The following CAMK4 variants were observed in gnomAD, a reference collection of about 807,000 sequenced individuals.
CAMK4 encodes calcium/calmodulin-dependent protein kinase type IV.
In CAMK4, 22 loss-of-function variants were observed where a neutral mutation model predicts 44.9. The ratio of observed to expected loss-of-function variants is 0.49; its 90% CI spans 0.35 to 0.70. The LOEUF (loss-of-function observed/expected upper bound fraction) is 0.70, where lower values mean the gene tolerates loss of function less well. Ranked by LOEUF, CAMK4 falls within the 30% of genes least tolerant of loss-of-function variation. CAMK4 has a pLI of 0.01. For synonymous variants in CAMK4, 218 were observed against 215.4 expected (o/e 1.01, Z -0.11); for missense variants, 498 against 586.8 (o/e 0.85, Z 1.56).
intron 1 of CAMK4, among the ~76,000 whole-genome samples, chr5:111,287,604 A>T (rs1484466256): frequency 6.6e-6 from 1 of 152,174 alleles, no homozygotes; most frequent in Admixed American, 6.6e-5. Flanking sequence ...AAAATGTCAA[A>T]ATGTTTTTGC....
intron 3 of CAMK4, among the ~76,000 whole-genome samples, chr5:111,375,739 G>A (rs552771045): frequency 9.2e-5 from 14 of 152,238 alleles, no homozygotes; most frequent in South Asian, 2.1e-4. Context: ...TCAGCTCGCC[G>A]GTGCTGCTGT....
rs1313432456 is a variant in CAMK4 at position 111,491,080 on chromosome 5, T to A, written c.*6614T>A. 6.6e-6 allele frequency: 1 copy of A among 152,216 alleles called. No individual in the cohort carries two copies. Among genetic ancestry groups the A allele is most frequent in the East Asian group, 1.9e-4 (1 of 5,204 alleles). The allele number at this position is 152,216 out of a possible 1,614,324, so 9.4% of individuals were successfully genotyped here. A position where few individuals can be genotyped will look rare whatever the true frequency, so the allele number is the denominator to read the frequency against. On this transcript the variant is annotated 3_prime_UTR_variant, in exon 11 of 11. Coordinates refer to ENST00000282356, the MANE Select transcript of CAMK4 (RefSeq NM_001744.6). ...ATCTCTCGTCTTTGAGATACACACA[T>A]TAAAACTTATGTGCATATTTTTTTA...
At chr5:111,309,707 G>A (rs1350295316) in intron 1 of CAMK4, among the ~76,000 whole-genome samples, 1 of 152,068 alleles carries the variant, frequency 6.6e-6, no homozygotes, top group Admixed American at 6.6e-5. Flanking sequence ...GTCCCTCCAT[G>A]ACCACCCTTT....
At chr5:111,273,407 A>G (rs928138932) in intron 1 of CAMK4, among the ~76,000 whole-genome samples, 3 of 151,780 alleles carry the variant, frequency 2.0e-5, no homozygotes, top group Non-Finnish European at 4.4e-5. Flanking sequence ...GCAGATTGTA[A>G]GATTCCAAAG....
intron 1 of CAMK4, among the ~76,000 whole-genome samples, chr5:111,276,487 G>A (rs1309356042): frequency 6.6e-6 from 1 of 152,164 alleles, no homozygotes; most frequent in Non-Finnish European, 1.5e-5. Flanking sequence ...AGCTACTGGG[G>A]AGGCTGAGTC....
In CAMK4 at chr5:111,329,538, A is replaced by G. The variant is rs1749063822; in HGVS notation, c.162-14486A>G. ...AATATTTAAGAGAAAATAATATTAT[A>G]GATTTGTCCCTCATGGTTTTATTTT... On this transcript the variant is annotated intron_variant, in intron 1 of 10. Transcript: ENST00000282356. Among the ~76,000 whole-genome samples the G allele has an allele frequency of 2.6e-5, 4 of 151,870 alleles. No individual in the cohort carries two copies. In the South Asian group the frequency reaches 8.3e-4, roughly 31 times the overall value.
rs1747207883 is a variant in CAMK4 at position 111,290,772 on chromosome 5, G to C, written c.162-53252G>C. 6.6e-6 allele frequency among the ~76,000 whole-genome samples: 1 copy of C among 152,210 alleles called. No homozygotes were observed. Among genetic ancestry groups the C allele is most frequent in the South Asian group, 2.1e-4 (1 of 4,834 alleles). On this transcript the variant is annotated intron_variant, in intron 1 of 10. Transcript: ENST00000282356. The surrounding 1 kb of genome is among the most constrained non-coding windows in gnomAD (Gnocchi z 4.5). ...AGTGGGAGAAGTGCTGGGCAGGCAT[G>C]AGGTAAGGTGTCAAGGGTCCCCTAC...
intron 2 of CAMK4, among the ~76,000 whole-genome samples, chr5:111,349,839 C>G (rs1025442681): frequency 1.3e-5 from 2 of 151,906 alleles, no homozygotes; most frequent in African/African-American, 4.8e-5. Context: ...ATTTTGGAAA[C>G]AGATATTTGA....
intron 7 of CAMK4, among the ~76,000 whole-genome samples, chr5:111,462,502 T>C (rs892360452): frequency 6.6e-6 from 1 of 152,230 alleles, no homozygotes; most frequent in Non-Finnish European, 1.5e-5. Flanking sequence ...CTTTAATGAG[T>C]GAGTGAATGA....
intron 1 of CAMK4, among the ~76,000 whole-genome samples, chr5:111,307,219 C>A (rs1747963553): frequency 3.2e-5 from 1 of 30,978 alleles, no homozygotes; most frequent in Non-Finnish European, 5.4e-5. Flanking sequence ...ACACCAAAAG[C>A]AATGGCAACA....
chr5:111,263,807 G>A (rs1333481831), intron 1 of CAMK4, among the ~76,000 whole-genome samples: 1 of 152,082 alleles, frequency 6.6e-6, no homozygotes, highest in Admixed American at 6.5e-5. Context: ...TGTGGATTCT[G>A]TACTTAGTGT....
chr5:111,435,177 G>T lies in CAMK4; in HGVS notation c.460-11509G>T, dbSNP rs1469534666. Among the ~76,000 whole-genome samples the T allele has an allele frequency of 3.3e-5, 5 of 152,006 alleles. No homozygotes were observed. The East Asian group carries it at 5.8e-4, about 18-fold the overall frequency. On this transcript the variant is annotated intron_variant, in intron 5 of 10. Coordinates refer to ENST00000282356, the MANE Select transcript of CAMK4 (RefSeq NM_001744.6). ...AAGACTAAATGGTAAGGTAAGATTG[G>T]AGCTTTTATATTTTTTAATTCCTCA...
intron 7 of CAMK4, among the ~76,000 whole-genome samples, chr5:111,466,379 G>T (rs1021466842): frequency 6.6e-6 from 1 of 152,050 alleles, no homozygotes; most frequent in Non-Finnish European, 1.5e-5. Context: ...GAAATAAAAG[G>T]TATCCAAATC....
chr5:111,309,531 A>G (rs1375464330), intron 1 of CAMK4, among the ~76,000 whole-genome samples: 1 of 152,134 alleles, frequency 6.6e-6, no homozygotes. Flanking sequence ...AGCTAAAGTC[A>G]AATCTAGGAG....
At chr5:111,360,617 G>T (rs1373442020) in intron 2 of CAMK4, among the ~76,000 whole-genome samples, 1 of 152,108 alleles carries the variant, frequency 6.6e-6, no homozygotes, top group East Asian at 1.9e-4. Flanking sequence ...ACTCTTACAA[G>T]CTTTTAAACT....
Position 111,494,780 on chromosome 5 carries a change from A to ACAGAC in CAMK4, c.*10315_*10319dup, listed in dbSNP as rs761649589. 1.3e-5 allele frequency: 2 copies of ACAGAC among 152,208 alleles called. No individual in the cohort carries two copies. The highest frequency in any genetic ancestry group is 2.9e-5 in the Non-Finnish European group (2 of 68,030). 9.4% of individuals were successfully genotyped at this position (152,208 alleles called of 1,614,324 possible). A position where few individuals can be genotyped will look rare whatever the true frequency, so the allele number is the denominator to read the frequency against. ...TGTTACTTGGTGTAAGTTCACTCAG[A>ACAGAC]CAGACATGTCAGAACATGCCCAAAG... On this transcript the variant is annotated 3_prime_UTR_variant, in exon 11 of 11. Coordinates refer to ENST00000282356, the MANE Select transcript of CAMK4 (RefSeq NM_001744.6).
In CAMK4 at chr5:111,485,359, G is replaced by A. The variant is rs549429206; in HGVS notation, c.*893G>A. 1 of 152,254 alleles carries A rather than the reference G, an allele frequency of 6.6e-6. No individual in the cohort carries two copies. Among genetic ancestry groups the A allele is most frequent in the East Asian group, 1.9e-4 (1 of 5,190 alleles). 9.4% of individuals were successfully genotyped at this position (152,254 alleles called of 1,614,324 possible). A position where few individuals can be genotyped will look rare whatever the true frequency, so the allele number is the denominator to read the frequency against. ...TGAATTTATACAACTTTACAGATAA[G>A]AACATTTTAATGGATAAACTCTATA... On this transcript the variant is annotated 3_prime_UTR_variant, in exon 11 of 11. Coordinates refer to ENST00000282356, the MANE Select transcript of CAMK4 (RefSeq NM_001744.6).
chr5:111,270,357 C>G (rs1618689), intron 1 of CAMK4, among the ~76,000 whole-genome samples: 123,495 of 152,058 alleles, frequency 0.81, 50,878 homozygotes, highest in African/African-American at 0.95. Flanking sequence ...CTCACACATT[C>G]AACAACTAAG....
intron 1 of CAMK4, among the ~76,000 whole-genome samples, chr5:111,266,905 A>G (rs201739866): frequency 4.6e-5 from 7 of 152,222 alleles, no homozygotes; most frequent in African/African-American, 1.7e-4. Context: ...CTATGCTATA[A>G]CAGCCTCTCT....
Sources: allele counts gnomAD v4.1 joint callset (sites outside exome capture counted in the v4.1 genomes callset), GRCh38; gene constraint gnomAD v4.1.1; non-coding constraint Gnocchi (gnomAD v3.1); transcripts MANE v1.5; gene names NCBI Gene and HGNC (gene_info 2026-07-23, HGNC 2026-07-21).